SLC22A23: variants seen among roughly 807,000 people sequenced by gnomAD.
The protein encoded by SLC22A23 is ion transporter protein.
A neutral mutation model predicts 61.0 loss-of-function variants in SLC22A23; 26 were observed. The ratio of observed to expected loss-of-function variants is 0.43; its 90% CI spans 0.31 to 0.59. The LOEUF is 0.59. Ranked by LOEUF, SLC22A23 falls within the 20% of genes least tolerant of loss-of-function variation. The probability of loss-of-function intolerance (pLI) is 0.11; values close to 1 mark genes in which losing one functional copy is unlikely to be tolerated. For missense variants in SLC22A23, 796 were observed against 934.7 expected (o/e 0.85, Z 1.94); for synonymous variants, 430 against 413.9 (o/e 1.04, Z -0.47).
chr6:3,312,262 G>T (rs1762404106), intron 4 of SLC22A23: 1 of 152,136 alleles, frequency 6.6e-6, no homozygotes, highest in Non-Finnish European at 1.5e-5. Flanking sequence ...CTTCCATGTG[G>T]CTGGGTTAAC....
rs1760028079 is a variant in SLC22A23 at position 3,286,604 on chromosome 6, C to G, written c.1546+255G>C. On this transcript the variant is annotated intron_variant, in intron 7 of 9. Transcript: ENST00000406686. This position sits in a 1 kb window ranked among gnomAD's most constrained non-coding sequence, Gnocchi z 4.2. ...GAAGCAGTCTACCTATTAGCAAAGA[C>G]TGGGCCACCAGGACTCGGAAGGAAT... Among the ~76,000 whole-genome samples the G allele has an allele frequency of 6.6e-6, 1 of 152,232 alleles. No individual in the cohort carries two copies. Among genetic ancestry groups the G allele is most frequent in the Non-Finnish European group, 1.5e-5 (1 of 68,042 alleles).
At chr6:3,283,496 G>A in intron 9 of SLC22A23, 1 of 319,670 alleles carries the variant, frequency 3.1e-6, no homozygotes, top group Non-Finnish European at 6.2e-6. Context: ...TGTGCCGTGA[G>A]GTCTCTTAGC....
intron 3 of SLC22A23, among the ~76,000 whole-genome samples, chr6:3,352,989 T>C (rs1035224770): frequency 2.6e-5 from 4 of 152,188 alleles, no homozygotes; most frequent in African/African-American, 4.8e-5. Flanking sequence ...GGTCAAAATA[T>C]GTATGAAAAT....
At chr6:3,281,085 C>T (rs1759437065) in intron 9 of SLC22A23, among the ~76,000 whole-genome samples, 1 of 152,172 alleles carries the variant, frequency 6.6e-6, no homozygotes, top group Non-Finnish European at 1.5e-5. Context: ...GCCTCGGAGC[C>T]CACCTGGAGC....
At chr6:3,296,247 C>T (rs1761079068) in intron 5 of SLC22A23, among the ~76,000 whole-genome samples, 1 of 152,204 alleles carries the variant, frequency 6.6e-6, no homozygotes, top group Non-Finnish European at 1.5e-5. Context: ...GGATTGAGTA[C>T]TCACTACTCA....
At chr6:3,283,561 C>T (rs1022780284) in intron 9 of SLC22A23, 3 of 388,248 alleles carry the variant, frequency 7.7e-6, no homozygotes, top group South Asian at 4.4e-5. Flanking sequence ...CCGCTGCACT[C>T]CCCCCCTTGC....
rs1285736514 is a variant in SLC22A23, at chr6:3,372,404, G to A, written c.913+37784C>T. Reference sequence around the variant, plus strand: ...CCTGCTGGCTGTGCTGGGAAGGGGGGATGGGCGTGGCTGCTGACAGCACGT... The same window carrying A: ...CCTGCTGGCTGTGCTGGGAAGGGGGAATGGGCGTGGCTGCTGACAGCACGT... On this transcript the variant is annotated intron_variant, in intron 3 of 9. Transcript: ENST00000406686. The surrounding 1 kb of genome is among the most constrained non-coding windows in gnomAD (Gnocchi z 4.7). 6.6e-6 allele frequency among the ~76,000 whole-genome samples: 1 copy of A among 152,252 alleles called. No individual in the cohort carries two copies. The highest frequency in any genetic ancestry group is 2.4e-5 in the African/African-American group (1 of 41,472).
intron 5 of SLC22A23, among the ~76,000 whole-genome samples, chr6:3,296,718 A>G (rs1292892416): frequency 1.3e-5 from 2 of 151,916 alleles, no homozygotes; most frequent in Non-Finnish European, 2.9e-5. Context: ...GGTAGGCCCC[A>G]CCCCACCCAG....
At position 3,318,075 on chromosome 6, in the gene SLC22A23, T is replaced by C. The variant is rs780025738; in HGVS notation, c.1082+5759A>G. On this transcript the variant is annotated intron_variant, in intron 4 of 9. Coordinates refer to ENST00000406686, the MANE Select transcript of SLC22A23 (RefSeq NM_015482.2). The surrounding 1 kb of genome is among the most constrained non-coding windows in gnomAD (Gnocchi z 4.3). The stretch of plus-strand genomic sequence containing the variant: ...CCCCCTGCCAAGTCCCTGTCCAGTC[T>C]CTGGGTGCATCATGCTGCTGCCACC... Among the ~76,000 whole-genome samples the C allele has an allele frequency of 1.3e-5, 2 of 152,198 alleles. No individual in the cohort carries two copies. The highest frequency in any genetic ancestry group is 2.9e-5 in the Non-Finnish European group (2 of 68,036).
Position 3,456,648 on chromosome 6 carries a change from T to C in SLC22A23, c.-89A>G. 1 of 848,204 alleles carries C rather than the reference T, an allele frequency of 1.2e-6. No individual in the cohort carries two copies. Among genetic ancestry groups the C allele is most frequent in the African/African-American group, 1.8e-5 (1 of 54,226 alleles). The allele number at this position is 848,204 out of a possible 1,614,324, so 52.5% of individuals were successfully genotyped here. A position where few individuals can be genotyped will look rare whatever the true frequency, so the allele number is the denominator to read the frequency against. ...GGCACAGCGCGCCGGGCCAGGCGCC[T>C]GCAGCCGCTGCCGCCGAGGAGGGCC... On this transcript the variant is annotated 5_prime_UTR_variant, in exon 1 of 10. Coordinates refer to ENST00000406686, the MANE Select transcript of SLC22A23 (RefSeq NM_015482.2). This position sits in a 1 kb window ranked among gnomAD's most constrained non-coding sequence, Gnocchi z 7.1.
intron 1 of SLC22A23, among the ~76,000 whole-genome samples, chr6:3,440,688 C>A: frequency 7.4e-6 from 1 of 134,876 alleles, no homozygotes; most frequent in African/African-American, 2.9e-5. Context: ...GCCTGGGCAA[C>A]AGAGCAAGAC....
In SLC22A23 at chr6:3,272,120, C is replaced by CA. The variant is rs891520680; in HGVS notation, c.*934_*935insT. On this transcript the variant is annotated 3_prime_UTR_variant, in exon 10 of 10. Coordinates refer to ENST00000406686, the MANE Select transcript of SLC22A23 (RefSeq NM_015482.2). ...GCGTGTGTGTGTGGAGGGCAGCCCC[C>CA]CTTCTGTGGATTTGCCTCTGCCATC... 6.6e-6 allele frequency: 1 copy of CA among 152,330 alleles called. No individual in the cohort carries two copies. Among genetic ancestry groups the CA allele is most frequent in the African/African-American group, 2.4e-5 (1 of 41,364 alleles). The allele number at this position is 152,330 out of a possible 1,614,324, so 9.4% of individuals were successfully genotyped here. A position where few individuals can be genotyped will look rare whatever the true frequency, so the allele number is the denominator to read the frequency against.
chr6:3,375,423 AT>A (rs1176772712), intron 3 of SLC22A23, among the ~76,000 whole-genome samples: 5 of 152,348 alleles, frequency 3.3e-5, no homozygotes, highest in Non-Finnish European at 7.3e-5. Flanking sequence ...TTTTCAATAT[AT>A]TCAGCACAGT....
intron 2 of SLC22A23, among the ~76,000 whole-genome samples, chr6:3,415,091 T>C (rs1769591118): frequency 6.6e-6 from 1 of 152,250 alleles, no homozygotes; most frequent in Non-Finnish European, 1.5e-5. Flanking sequence ...GAGATGTTAA[T>C]GTATGGAACT....
chr6:3,382,095 C>T (rs1198117718), intron 3 of SLC22A23, among the ~76,000 whole-genome samples: 2 of 152,204 alleles, frequency 1.3e-5, no homozygotes, highest in Non-Finnish European at 2.9e-5. Flanking sequence ...TGCTGCTCTG[C>T]TCTCTCAGTT....
At chr6:3,393,890 T>A (rs2127490387) in intron 3 of SLC22A23, among the ~76,000 whole-genome samples, 1 of 152,324 alleles carries the variant, frequency 6.6e-6, no homozygotes, top group South Asian at 2.1e-4. Flanking sequence ...ATGGTGTGGC[T>A]TCTCCCTGTG....
At chr6:3,422,754 A>G (rs1040912236) in intron 1 of SLC22A23, among the ~76,000 whole-genome samples, 1 of 152,152 alleles carries the variant, frequency 6.6e-6, no homozygotes, top group Non-Finnish European at 1.5e-5. Flanking sequence ...ATGAATATTA[A>G]TTGCTGCTCA....
chr6:3,353,179 T>C (rs1764878358), intron 3 of SLC22A23, among the ~76,000 whole-genome samples: 1 of 152,210 alleles, frequency 6.6e-6, no homozygotes, highest in African/African-American at 2.4e-5. Context: ...CTGTTATTCT[T>C]GGAGATTTTG....
intron 3 of SLC22A23, among the ~76,000 whole-genome samples, chr6:3,334,578 T>G (rs1763749653): frequency 6.6e-6 from 1 of 152,196 alleles, no homozygotes; most frequent in Non-Finnish European, 1.5e-5. Flanking sequence ...AACCTGAAGT[T>G]GCAAAGAAAT....
Sources: gnomAD v4.1 joint callset for allele counts (sites outside exome capture counted in the v4.1 genomes callset) on GRCh38, gnomAD v4.1.1 for gene constraint, Gnocchi (gnomAD v3.1) non-coding constraint, MANE v1.5 for transcripts, NCBI Gene and HGNC (gene_info 2026-07-23, HGNC 2026-07-21) for gene names.